CAMKK2: variants seen among roughly 807,000 people sequenced by gnomAD.
CAMKK2 encodes the protein calcium/calmodulin dependent protein kinase kinase 2, also known as calcium/calmodulin-dependent protein kinase kinase 2.
CAMKK2 carries 30 observed loss-of-function variants against 67.2 expected under a neutral mutation model. The ratio of observed to expected loss-of-function variants is 0.45; its 90% confidence interval spans 0.33 to 0.61. The LOEUF (loss-of-function observed/expected upper bound fraction) is 0.61. Ranked by LOEUF, CAMKK2 falls within the 20% of genes least tolerant of loss-of-function variation. CAMKK2 has a pLI of 0.02. For synonymous variants in CAMKK2, 322 were observed against 326.2 expected (o/e 0.99, Z 0.14); for missense variants, 643 against 802.0 (o/e 0.80, Z 2.39).
At chr12:121,275,270 A>G (rs1151885) in intron 1 of CAMKK2, among the ~76,000 whole-genome samples, 89,529 of 151,952 alleles carry the variant, frequency 0.59, 29,131 homozygotes, top group African/African-American at 0.88. Context: ...GATTACTTGA[A>G]GCCAGGAATT....
intron 1 of CAMKK2, among the ~76,000 whole-genome samples, chr12:121,295,196 T>A (rs1004887360): frequency 6.6e-6 from 1 of 152,186 alleles, no homozygotes; most frequent in African/African-American, 2.4e-5. Context: ...CTTATTATTA[T>A]CCAAGTTAGG....
In CAMKK2 at chr12:121,268,629, CA is replaced by C. The variant is rs1204612275; in HGVS notation, c.625+8del. ...CCTGTACCTAACAACAAAGGCCCGC[CA>C]AACTCACGTGGAAAGCCGGCCTGCC... On this transcript the variant is annotated splice_region_variant and intron_variant, in intron 5 of 16. Transcript: ENST00000404169. 1 of 1,613,838 alleles carries C rather than the reference CA, an allele frequency of 6.2e-7. No individual in the cohort carries two copies. Among genetic ancestry groups the C allele is most frequent in the Non-Finnish European group, 8.5e-7 (1 of 1,179,864 alleles).
chr12:121,265,891 G>A (rs1479748573), intron 5 of CAMKK2, among the ~76,000 whole-genome samples: 1 of 151,788 alleles, frequency 6.6e-6, no homozygotes, highest in Non-Finnish European at 1.5e-5. Flanking sequence ...CCAAAGAGCT[G>A]TCTAGCCCCT....
At chr12:121,268,579 G>T (rs2136379632) in intron 5 of CAMKK2, 59 bp downstream of exon 5, 2 of 1,491,906 alleles carry the variant, frequency 1.3e-6, no homozygotes, top group Non-Finnish European at 1.9e-6. Context: ...CCATTCAGGG[G>T]GCTCTGCCCT....
rs200289575 is a variant in CAMKK2, at chr12:121,244,663, G to A, written c.1554-48C>T. 50 of 1,436,506 alleles carry A rather than the reference G, an allele frequency of 3.5e-5. No individual in the cohort carries two copies. The African/African-American group carries it at 6.6e-4, about 19-fold the overall frequency. 89.0% of individuals were successfully genotyped at this position (1,436,506 alleles called of 1,614,324 possible). Reference sequence around the variant, plus strand: ...AAAGGGAAGTGAGAAGGGACCCTTGGGATCCACGGGATGCCCGTTCCCCCA... The same window carrying A: ...AAAGGGAAGTGAGAAGGGACCCTTGAGATCCACGGGATGCCCGTTCCCCCA... On this transcript the variant is annotated intron_variant, in intron 15 of 16. Transcript: ENST00000404169.
rs951504520 is a variant in CAMKK2 at position 121,260,322 on chromosome 12, T to C, written c.793A>G (p.Met265Val). Residue 265 changes from methionine to valine, a missense_variant, in exon 7 of 17, where the codon ATG becomes GTG. By Grantham distance (21) the Met-to-Val change is conservative (BLOSUM62 1). Around this residue, in one of 3 missense-constraint regions of CAMKK2, gnomAD observed 483 missense variants for 625.8 expected, o/e 0.77. Transcript: ENST00000404169. ...LDDPNEDHLY[M>V]VFELVNQGPV... ...CAGAAGAAAAGGGCTTCCTTACCCATGTACAGATGGTCCTCATTGGGGTCA... is the reference window on the plus strand; with the variant it reads ...CAGAAGAAAAGGGCTTCCTTACCCACGTACAGATGGTCCTCATTGGGGTCA... 4.3e-6 allele frequency: 7 copies of C among 1,610,064 alleles called. No individual in the cohort carries two copies. In the South Asian group the frequency reaches 4.5e-5, roughly 10 times the overall value.
At chr12:121,268,758 G>T in intron 4 of CAMKK2, 69 bp from the exon 5 acceptor site, 2 of 1,466,828 alleles carry the variant, frequency 1.4e-6, no homozygotes, top group Non-Finnish European at 1.9e-6. Flanking sequence ...AGGGGAAGGA[G>T]GGCGCAGTCG....
rs1435318508 is a variant in CAMKK2, at chr12:121,253,229, C to T, written c.1107+44G>A. ...TCTGCTGCTTACAATCCAGAAGACACTAACACAGGCAGAACTCTGTGGCTG... is the reference window on the plus strand; with the variant it reads ...TCTGCTGCTTACAATCCAGAAGACATTAACACAGGCAGAACTCTGTGGCTG... On this transcript the variant is annotated intron_variant, in intron 10 of 16. Coordinates refer to ENST00000404169, the MANE Select transcript of CAMKK2 (RefSeq NM_001270485.2). This position sits in a 1 kb window ranked among gnomAD's most constrained non-coding sequence, Gnocchi z 5.0. 1.3e-6 allele frequency: 2 copies of T among 1,565,896 alleles called. No individual in the cohort carries two copies. The highest frequency in any genetic ancestry group is 1.4e-5 in the African/African-American group (1 of 73,848).
At chr12:121,243,332 G>A (rs797005959) in intron 16 of CAMKK2, among the ~76,000 whole-genome samples, 18 of 149,454 alleles carry the variant, frequency 1.2e-4, no homozygotes, top group African/African-American at 4.2e-4. Context: ...CATCCAGCCT[G>A]CTAGTCAATC....
intron 1 of CAMKK2, among the ~76,000 whole-genome samples, chr12:121,282,915 C>T (rs542484484): frequency 6.6e-6 from 1 of 152,010 alleles, no homozygotes; most frequent in Non-Finnish European, 1.5e-5. Flanking sequence ...CCACCATGCC[C>T]GGCTAATTTT....
chr12:121,272,043 G>A (rs1020408627), intron 2 of CAMKK2, among the ~76,000 whole-genome samples: 1 of 151,896 alleles, frequency 6.6e-6, no homozygotes, highest in Non-Finnish European at 1.5e-5. Flanking sequence ...GTCTTCCTAT[G>A]TTGCCCAGGC....
intron 5 of CAMKK2, among the ~76,000 whole-genome samples, chr12:121,265,642 G>A (rs1566086407): frequency 6.6e-6 from 1 of 152,090 alleles, no homozygotes; most frequent in Non-Finnish European, 1.5e-5. Flanking sequence ...GCCGAGGTGG[G>A]TGGATCATGA....
chr12:121,283,814 C>CTAAATAAATAAA (rs111580860), intron 1 of CAMKK2, among the ~76,000 whole-genome samples: 3 of 151,474 alleles, frequency 2.0e-5, no homozygotes, highest in African/African-American at 7.3e-5. Context: ...GATCCTTTCG[C>CTAAATAAATAAA]TAAATAAATA....
At chr12:121,249,698 G>C in intron 13 of CAMKK2, 89 bp downstream of exon 13, 1 of 1,041,352 alleles carries the variant, frequency 9.6e-7, no homozygotes, top group Non-Finnish European at 1.5e-6. Context: ...GGAGGGTGTG[G>C]TGCTGTGGAC....
chr12:121,240,921 GC>G lies in CAMKK2; in HGVS notation c.1597-53del. On this transcript the variant is annotated intron_variant, in intron 16 of 16. Transcript: ENST00000404169. This position sits in a 1 kb window ranked among gnomAD's most constrained non-coding sequence, Gnocchi z 4.4. ...TAAGACTCTGAGAAATGCCAGCGAGGCCCTGAGCCAGCTGCTCCCACATCTG... is the reference window on the plus strand; with the variant it reads ...TAAGACTCTGAGAAATGCCAGCGAGGCCTGAGCCAGCTGCTCCCACATCTG... 1 of 1,589,368 alleles carries G rather than the reference GC, an allele frequency of 6.3e-7. No individual in the cohort carries two copies. The highest frequency in any genetic ancestry group is 2.2e-5 in the East Asian group (1 of 44,576).
In CAMKK2 at chr12:121,240,391, A is replaced by G. The variant is rs1888115806; in HGVS notation, c.*308T>C. On this transcript the variant is annotated 3_prime_UTR_variant, in exon 17 of 17. Coordinates refer to ENST00000404169, the MANE Select transcript of CAMKK2 (RefSeq NM_001270485.2). The surrounding 1 kb of genome is among the most constrained non-coding windows in gnomAD (Gnocchi z 4.4). ...TATCTGACGTGGTTCTGAAAATCAC[A>G]ATGAAGGATTTTTGGCATAAAAACG... The G allele has an allele frequency of 6.8e-7, 1 of 1,473,640 alleles. No individual in the cohort carries two copies. Among genetic ancestry groups the G allele is most frequent in the Non-Finnish European group, 9.1e-7 (1 of 1,098,496 alleles). 91.3% of individuals were successfully genotyped at this position (1,473,640 alleles called of 1,614,324 possible).
intron 11 of CAMKK2, 93 bp from the exon 12 acceptor site, chr12:121,250,127 G>T: frequency 1.0e-6 from 1 of 971,658 alleles, no homozygotes; most frequent in Non-Finnish European, 1.6e-6. Flanking sequence ...ATAGGATACA[G>T]CAGAGAAATC....
chr12:121,292,271 A>G (rs1900198212), intron 1 of CAMKK2, among the ~76,000 whole-genome samples: 1 of 151,516 alleles, frequency 6.6e-6, no homozygotes, highest in South Asian at 2.1e-4. Context: ...GATTACAGGC[A>G]CAAGCTACCA....
At chr12:121,254,068 G>A (rs978166725) in intron 9 of CAMKK2, among the ~76,000 whole-genome samples, 3 of 152,196 alleles carry the variant, frequency 2.0e-5, no homozygotes, top group African/African-American at 7.2e-5. Flanking sequence ...CAGCAGCAGA[G>A]CACCAAGTGA....
Sources: gnomAD v4.1 joint callset for allele counts (sites outside exome capture counted in the v4.1 genomes callset) on GRCh38, gnomAD v4.1.1 for gene constraint, gnomAD v4.1.1 regional missense constraint, Gnocchi (gnomAD v3.1) non-coding constraint, MANE v1.5 for transcripts, NCBI Gene and HGNC (gene_info 2026-07-23, HGNC 2026-07-21) for gene names.